Variants in RABGEF1 observed in about 807,000 individuals in gnomAD.
The protein encoded by RABGEF1 is rab5 GDP/GTP exchange factor.
Under a neutral mutation model 57.3 loss-of-function variants are expected in RABGEF1, and 26 were observed. The ratio of observed to expected loss-of-function variants is 0.45; its 90% CI spans 0.33 to 0.63. The LOEUF (loss-of-function observed/expected upper bound fraction) is 0.63, where lower values mean the gene tolerates loss of function less well. Ranked by LOEUF, RABGEF1 falls within the 20% of genes least tolerant of loss-of-function variation. The probability of loss-of-function intolerance (pLI) is 0.02; values close to 1 mark genes in which losing one functional copy is unlikely to be tolerated. For missense variants in RABGEF1, 464 were observed against 607.6 expected, an observed-to-expected ratio of 0.76 and a Z score of 2.48; for synonymous variants, 185 against 210.7, an observed-to-expected ratio of 0.88 and a Z score of 1.06.
At chr7:66,730,057 T>C (rs1249813775) in intron 2 of RABGEF1, among the ~76,000 whole-genome samples, 2 of 152,210 alleles carry the variant, frequency 1.3e-5, no homozygotes, top group Non-Finnish European at 2.9e-5. Context: ...AGCTGTGCCA[T>C]AGACTCAGGG....
intron 2 of RABGEF1, among the ~76,000 whole-genome samples, chr7:66,734,643 G>A (rs543928646): frequency 3.0e-4 from 45 of 149,996 alleles, no homozygotes; most frequent in Non-Finnish European, 5.8e-4. Flanking sequence ...ATGTTGGCCA[G>A]GCTGGTCTCG....
rs1316373646 is a variant in RABGEF1, at chr7:66,743,677, A to G, written c.-18+2885A>G. Among the ~76,000 whole-genome samples the G allele has an allele frequency of 7.9e-5, 12 of 151,970 alleles. No individual in the cohort carries two copies. The East Asian group carries it at 1.4e-3, about 17-fold the overall frequency. On this transcript the variant is annotated intron_variant, in intron 1 of 8. Transcript: ENST00000284957. ...CCACCATGCCTGGCTAATTTTTTCT[A>G]TTTTTAGTAGAGATGTGGTTTCACT...
chr7:66,751,569 G>A (rs1357101816), intron 1 of RABGEF1, among the ~76,000 whole-genome samples: 2 of 152,124 alleles, frequency 1.3e-5, no homozygotes, highest in African/African-American at 4.8e-5. Flanking sequence ...TACTGCTAGA[G>A]ACTGAGCTGA....
the RABGEF1 span, among the ~76,000 whole-genome samples, chr7:66,667,973 T>A: frequency 1.3e-5 from 2 of 152,126 alleles, no homozygotes; most frequent in Non-Finnish European, 2.9e-5. Context: ...GATTTTTGTA[T>A]TTTTAGTAGA....
intron 1 of RABGEF1, among the ~76,000 whole-genome samples, chr7:66,703,322 T>C (rs1386285534): frequency 6.6e-6 from 1 of 152,222 alleles, no homozygotes; most frequent in Admixed American, 6.5e-5. Context: ...ATTTTTTCTT[T>C]TGTTGCTTGT....
the RABGEF1 span, among the ~76,000 whole-genome samples, chr7:66,667,104 TC>T: frequency 6.6e-6 from 1 of 152,048 alleles, no homozygotes; most frequent in Non-Finnish European, 1.5e-5. Flanking sequence ...TTTGAAATAA[TC>T]CCAGCCCAGG....
At position 66,686,164 on chromosome 7, in the gene RABGEF1, T is replaced by C. The variant is rs181507155; in HGVS notation, c.-873+3906T>C. On this transcript the variant is annotated intron_variant and NMD_transcript_variant, in intron 1 of 9. Transcript: ENST00000607882. The stretch of plus-strand genomic sequence containing the variant: ...GGCATGGTGGTGTGTGCCTGTGATC[T>C]CAGCTACTCGGGAGTCTGAGGCACA... Among the ~76,000 whole-genome samples, 343 of 151,954 alleles carry C rather than the reference T, an allele frequency of 2.3e-3. 2 individuals are homozygous for C. Among genetic ancestry groups the C allele is most frequent in the African/African-American group, 8.1e-3 (335 of 41,438 alleles).
At chr7:66,780,839 T>C (rs899464483) in intron 3 of RABGEF1, among the ~76,000 whole-genome samples, 1 of 152,202 alleles carries the variant, frequency 6.6e-6, no homozygotes, top group Non-Finnish European at 1.5e-5. Flanking sequence ...GTTTACTTCG[T>C]CTAACATTGG....
chr7:66,751,860 C>T (rs915995731), intron 1 of RABGEF1, among the ~76,000 whole-genome samples: 20 of 152,254 alleles, frequency 1.3e-4, no homozygotes, highest in East Asian at 7.7e-4. Context: ...GCCTCCTCCC[C>T]GGATCTTTGA....
At chr7:66,728,589 C>T (rs1386526528) in intron 2 of RABGEF1, among the ~76,000 whole-genome samples, 1 of 152,286 alleles carries the variant, frequency 6.6e-6, no homozygotes, top group Non-Finnish European at 1.5e-5. Context: ...TCCTTATCTC[C>T]ACCTCCACCT....
intron 2 of RABGEF1, among the ~76,000 whole-genome samples, chr7:66,716,675 T>C (rs982288450): frequency 2.0e-5 from 3 of 152,208 alleles, no homozygotes; most frequent in African/African-American, 7.2e-5. Flanking sequence ...AAAACTCTTC[T>C]GTCATTGTCT....
intron 5 of RABGEF1, 104 bp from the exon 6 acceptor site, chr7:66,797,270 C>T (rs1365220417): frequency 3.2e-6 from 4 of 1,267,862 alleles, no homozygotes; most frequent in African/African-American, 1.6e-5. Context: ...TGCTGCTGCA[C>T]TCCAACCTGG....
At chr7:66,679,819 C>T (rs1210197695), upstream of RABGEF1, among the ~76,000 whole-genome samples, 2 of 152,128 alleles carry the variant, frequency 1.3e-5, no homozygotes, top group East Asian at 3.9e-4. Flanking sequence ...TGCTTGAGTC[C>T]AGGACTTCGA....
chr7:66,737,073 T>TGAGAGAGAGAGAGAGAGTGAGAGA (rs1279802653), upstream of RABGEF1, among the ~76,000 whole-genome samples: 1 of 117,094 alleles, frequency 8.5e-6, no homozygotes, highest in Non-Finnish European at 1.8e-5. Flanking sequence ...AGAGAGAGAG[T>TGAGAGAGAGAGAGAGAGTGAGAGA]GAGAGAGAGA....
chr7:66,764,286 T>A (rs1805156672), intron 1 of RABGEF1, among the ~76,000 whole-genome samples: 1 of 152,228 alleles, frequency 6.6e-6, no homozygotes, highest in African/African-American at 2.4e-5. Flanking sequence ...GAAATGTCCA[T>A]TCAGATCTTT....
chr7:66,677,387 C>A, upstream of RABGEF1, among the ~76,000 whole-genome samples: 1 of 152,050 alleles, frequency 6.6e-6, no homozygotes, highest in East Asian at 1.9e-4. Flanking sequence ...GCTTAGACAA[C>A]AAAGTGAGAC....
intron 1 of RABGEF1, among the ~76,000 whole-genome samples, chr7:66,751,652 C>G (rs1258639281): frequency 2.0e-5 from 3 of 152,152 alleles, no homozygotes; most frequent in African/African-American, 7.2e-5. Flanking sequence ...AGCAGGTACC[C>G]ACCTAAGACT....
intron 3 of RABGEF1, among the ~76,000 whole-genome samples, chr7:66,779,156 AAATG>A (rs1159823015): frequency 6.6e-6 from 1 of 151,938 alleles, no homozygotes; most frequent in African/African-American, 2.4e-5. Flanking sequence ...TAAGGACAAT[AAATG>A]AAGTATAACT....
chr7:66,700,528 G>A (rs1228957064), intron 1 of RABGEF1, among the ~76,000 whole-genome samples: 1 of 152,162 alleles, frequency 6.6e-6, no homozygotes, highest in African/African-American at 2.4e-5. Flanking sequence ...GTTGGGGGAG[G>A]GGACTTAGTA....
Sources: gnomAD v4.1 joint callset for allele counts (sites outside exome capture counted in the v4.1 genomes callset) on GRCh38, gnomAD v4.1.1 for gene constraint, MANE v1.5 for transcripts, NCBI Gene and HGNC (gene_info 2026-07-23, HGNC 2026-07-21) for gene names.